OCA2: variants seen among roughly 807,000 people sequenced by gnomAD.
The protein encoded by OCA2 is OCA2 melanosomal transmembrane protein.
Under a neutral mutation model 100.2 loss-of-function variants are expected in OCA2, and 77 were observed. The ratio of observed to expected loss-of-function variants is 0.77; its 90% CI spans 0.64 to 0.93. OCA2 has a LOEUF of 0.93. Among genes scored for constraint, OCA2 ranks in the 40% least tolerant of loss-of-function variants. OCA2 has a pLI of 0.00. For synonymous variants in OCA2, 432 were observed against 439.2 expected (o/e 0.98, Z 0.21); for missense variants, 1,062 against 1,089.1 (o/e 0.98, Z 0.35).
intron 18 of OCA2, chr15:27,950,505 C>A (rs1205042348): frequency 1.9e-6 from 1 of 514,896 alleles, no homozygotes; most frequent in Non-Finnish European, 3.9e-6. Flanking sequence ...GGATTCCAAG[C>A]AGATCAGCTC....
intron 2 of OCA2, among the ~76,000 whole-genome samples, chr15:28,060,704 A>T (rs1335054291): frequency 6.6e-6 from 1 of 152,218 alleles, no homozygotes; most frequent in African/African-American, 2.4e-5. Flanking sequence ...CAGTGAGAAA[A>T]TTTTAACTTG....
chr15:27,924,425 T>A (rs2038974006), intron 19 of OCA2, among the ~76,000 whole-genome samples: 2 of 152,144 alleles, frequency 1.3e-5, no homozygotes, highest in Non-Finnish European at 2.9e-5. Context: ...TTTTTTCTCT[T>A]AATATAAAAT....
intron 23 of OCA2, among the ~76,000 whole-genome samples, chr15:27,770,986 TCTTCCTTCC>T (rs1225579722): frequency 1.1e-5 from 1 of 92,366 alleles, no homozygotes; most frequent in Non-Finnish European, 2.3e-5. Context: ...TTTCCTTCTT[TCTTCCTTCC>T]CTTCCTTCCT....
At chr15:27,969,030 A>T (rs1013261710) in intron 14 of OCA2, among the ~76,000 whole-genome samples, 5 of 152,062 alleles carry the variant, frequency 3.3e-5, no homozygotes, top group African/African-American at 1.2e-4. Flanking sequence ...AAAATGATTT[A>T]AACTATAGTA....
chr15:27,787,512 G>C (rs2032871546), intron 23 of OCA2, among the ~76,000 whole-genome samples: 1 of 151,902 alleles, frequency 6.6e-6, no homozygotes, highest in South Asian at 2.1e-4. Context: ...TTTTATCTAA[G>C]TTGTCTTATT....
At chr15:27,752,697 T>C (rs1332468266), downstream of OCA2, among the ~76,000 whole-genome samples, 21 of 92,934 alleles carry the variant, frequency 2.3e-4, no homozygotes, top group African/African-American at 1.1e-3. Flanking sequence ...CCCCCGGCCC[T>C]GGCTACCAAG....
At chr15:27,790,034 G>A (rs1335665676) in intron 23 of OCA2, among the ~76,000 whole-genome samples, 1 of 151,868 alleles carries the variant, frequency 6.6e-6, no homozygotes, top group East Asian at 1.9e-4. Flanking sequence ...TCAAATCAAA[G>A]ATGACAAAGG....
At chr15:27,778,388 A>G (rs965900362) in intron 23 of OCA2, among the ~76,000 whole-genome samples, 2 of 152,214 alleles carry the variant, frequency 1.3e-5, no homozygotes, top group African/African-American at 2.4e-5. Context: ...AAAGAGAGGA[A>G]AGTCTCATCA....
rs184474365 is a variant in OCA2, at chr15:27,755,992, C to T, written c.2433-520G>A. 2.7e-4 allele frequency among the ~76,000 whole-genome samples: 41 copies of T among 152,278 alleles called. No homozygotes were observed. The Middle Eastern group carries it at 0.01, about 38-fold the overall frequency. On this transcript the variant is annotated intron_variant, in intron 23 of 23. Coordinates refer to ENST00000354638, the MANE Select transcript of OCA2 (RefSeq NM_000275.3). ...GAAGAAGAAGTTTTTCTTCTGTAGCCGGTGAGGTGTGAGACGTGTGGACAA... is the reference window on the plus strand; with the variant it reads ...GAAGAAGAAGTTTTTCTTCTGTAGCTGGTGAGGTGTGAGACGTGTGGACAA...
chr15:27,954,904 G>A (rs374017812), intron 17 of OCA2, among the ~76,000 whole-genome samples: 6 of 152,198 alleles, frequency 3.9e-5, no homozygotes, highest in African/African-American at 1.2e-4. Context: ...CTCAGAGGGC[G>A]GGCCCTGCAA....
At chr15:28,039,208 C>T (rs2043132363) in intron 2 of OCA2, among the ~76,000 whole-genome samples, 1 of 152,136 alleles carries the variant, frequency 6.6e-6, no homozygotes. Context: ...TGGTTGAAGA[C>T]TTCAATACTT....
At chr15:27,796,616 C>T (rs371120804) in intron 23 of OCA2, among the ~76,000 whole-genome samples, 1 of 152,152 alleles carries the variant, frequency 6.6e-6, no homozygotes, top group Non-Finnish European at 1.5e-5. Context: ...AGGTGCTCAG[C>T]GAGTGCTGGT....
intron 23 of OCA2, among the ~76,000 whole-genome samples, chr15:27,839,666 T>C (rs768027173): frequency 1.2e-5 from 1 of 83,804 alleles, no homozygotes; most frequent in Non-Finnish European, 2.3e-5. Flanking sequence ...CTTTCAAAGA[T>C]AAATAGTAAG....
intron 14 of OCA2, 38 bp from the exon 15 acceptor site, chr15:27,966,860 G>T: frequency 1.3e-6 from 2 of 1,584,824 alleles, no homozygotes; most frequent in Non-Finnish European, 1.7e-6. Flanking sequence ...GGCAGCCCAG[G>T]CATGGTGGCT....
intron 2 of OCA2, among the ~76,000 whole-genome samples, chr15:28,071,344 C>T (rs2044254928): frequency 6.6e-6 from 1 of 152,074 alleles, no homozygotes. Context: ...CCATACTGCC[C>T]AAAGCAATGT....
the OCA2 span, among the ~76,000 whole-genome samples, chr15:27,746,405 G>C: frequency 6.6e-6 from 1 of 152,116 alleles, no homozygotes; most frequent in Non-Finnish European, 1.5e-5. Flanking sequence ...AGGTTGCAGT[G>C]AGCCGAGATC....
chr15:27,814,418 A>G (rs2034198272), intron 23 of OCA2, among the ~76,000 whole-genome samples: 1 of 152,258 alleles, frequency 6.6e-6, no homozygotes, highest in Non-Finnish European at 1.5e-5. Context: ...AACACTTGAC[A>G]TATTTAGAAC....
At chr15:27,814,787 C>T (rs2034214319) in intron 23 of OCA2, among the ~76,000 whole-genome samples, 2 of 152,128 alleles carry the variant, frequency 1.3e-5, no homozygotes, top group South Asian at 2.1e-4. Flanking sequence ...CTGGCTGAGG[C>T]ACAAGAATTG....
At chr15:27,915,350 G>T (rs185544202) in intron 19 of OCA2, among the ~76,000 whole-genome samples, 31 of 152,178 alleles carry the variant, frequency 2.0e-4, no homozygotes, top group Admixed American at 1.6e-3. Flanking sequence ...TAAAACAAAA[G>T]TTGACAAATG....
Sources: allele counts gnomAD v4.1 joint callset (sites outside exome capture counted in the v4.1 genomes callset), GRCh38; gene constraint gnomAD v4.1.1; transcripts MANE v1.5; gene names NCBI Gene and HGNC (gene_info 2026-07-23, HGNC 2026-07-21).